Variants in INHBC observed in about 807,000 individuals in gnomAD.
INHBC encodes inhibin beta C chain.
Under a neutral mutation model 12.4 loss-of-function variants are expected in INHBC, and 10 were observed. That is an observed-to-expected ratio of 0.81 (90% CI 0.50 to 1.37). The LOEUF (loss-of-function observed/expected upper bound fraction) is 1.37. Among genes scored for constraint, INHBC ranks in the 40% most tolerant of loss-of-function variants. INHBC has a pLI of 0.00. For missense variants in INHBC, 382 were observed against 439.4 expected (o/e 0.87, Z 1.17); for synonymous variants, 147 against 171.6 (o/e 0.86, Z 1.12).
At chr12:57,448,613 T>C (rs1483477409) in intron 1 of INHBC, among the ~76,000 whole-genome samples, 2 of 149,630 alleles carry the variant, frequency 1.3e-5, no homozygotes, top group Non-Finnish European at 3.0e-5. Flanking sequence ...ACCATGAGTC[T>C]AATTAAGAGC....
chr12:57,449,862 A>G lies in INHBC; in HGVS notation c.899A>G (p.Asn300Ser), dbSNP rs764750762. 34 of 1,612,568 alleles carry G rather than the reference A, an allele frequency of 2.1e-5. No individual in the cohort carries two copies. The highest frequency in any genetic ancestry group is 3.3e-4 in the Middle Eastern group (2 of 6,070). The stretch of plus-strand genomic sequence containing the variant: ...GCCTCCTTTCACACTGCAGTGCTCA[A>G]TCTTCTCAAGGCCAACACAGCTGCA... ...IAASFHTAVL[N>S]LLKANTAAGT... Residue 300 changes from asparagine (N) to serine (S), a missense_variant, in exon 2 of 2, where the codon AAT becomes AGT. By Grantham distance (46) the Asn-to-Ser change is conservative. Coordinates refer to ENST00000309668, the MANE Select transcript of INHBC (RefSeq NM_005538.4).
chr12:57,445,717 C>CT (rs201255991), intron 1 of INHBC, among the ~76,000 whole-genome samples: 1 of 145,372 alleles, frequency 6.9e-6, no homozygotes, highest in African/African-American at 2.5e-5. Flanking sequence ...AGTGAGACCC[C>CT]CCGCCCATCT....
chr12:57,441,223 G>A (rs1368431423), intron 1 of INHBC, among the ~76,000 whole-genome samples: 3 of 152,000 alleles, frequency 2.0e-5, no homozygotes, highest in Non-Finnish European at 4.4e-5. Flanking sequence ...GTGTGGTGGT[G>A]CATGTCTGTA....
chr12:57,434,890 A>C lies in INHBC; in HGVS notation c.4A>C (p.Thr2Pro), dbSNP rs755773301. 9.3e-6 allele frequency: 15 copies of C among 1,609,242 alleles called. No homozygotes were observed. The highest frequency in any genetic ancestry group is 1.3e-5 in the African/African-American group (1 of 74,742). The change falls in exon 1 of 2, where the codon ACC becomes CCC. Residue 2 changes from threonine (T) to proline (P), a missense_variant. Transcript: ENST00000309668. MTSSLLLAFLLL... is the reference protein window; with the variant it reads MPSSLLLAFLLL... ...TCAAGAAGGGCCTTCCCCAGCAATG[A>C]CCTCCTCATTGCTTCTGGCCTTTCT...
intron 1 of INHBC, among the ~76,000 whole-genome samples, chr12:57,436,812 G>A (rs544810427): frequency 7.2e-5 from 11 of 151,932 alleles, no homozygotes; most frequent in South Asian, 4.2e-4. Flanking sequence ...GGCTACAGGC[G>A]CCTACCACCA....
At position 57,438,948 on chromosome 12, in the gene INHBC, C is replaced by T. The variant is rs1421646236; in HGVS notation, c.313+3749C>T. Among the ~76,000 whole-genome samples, 5 of 152,116 alleles carry T rather than the reference C, an allele frequency of 3.3e-5. No homozygotes were observed. The South Asian group carries it at 8.3e-4, about 25-fold the overall frequency. The stretch of plus-strand genomic sequence containing the variant: ...GCAGGGGCCTTCAGTGATGTCCTAG[C>T]GCTGGCTTATTCAGACTTATGAAAG... On this transcript the variant is annotated intron_variant, in intron 1 of 1. Coordinates refer to ENST00000309668, the MANE Select transcript of INHBC (RefSeq NM_005538.4).
chr12:57,443,113 CTTT>C (rs34935222), intron 1 of INHBC, among the ~76,000 whole-genome samples: 3 of 72,398 alleles, frequency 4.1e-5, no homozygotes, highest in East Asian at 4.7e-4. Context: ...ATAAAGCACT[CTTT>C]TTTTTTTTTT....
chr12:57,444,094 G>T (rs1368116940), intron 1 of INHBC, among the ~76,000 whole-genome samples: 1 of 152,146 alleles, frequency 6.6e-6, no homozygotes, highest in East Asian at 1.9e-4. Context: ...ACCACACCTG[G>T]TCTCAACAAG....
At chr12:57,436,735 T>C (rs1328687373) in intron 1 of INHBC, among the ~76,000 whole-genome samples, 2 of 151,532 alleles carry the variant, frequency 1.3e-5, no homozygotes, top group East Asian at 1.9e-4. Context: ...GGCGCGATCT[T>C]GGCTCACTGC....
rs567548619 is a variant in INHBC, at chr12:57,437,087, A to G, written c.313+1888A>G. ...GCTAAGATTACAGACATGAGCCACC[A>G]TCCCCGGGCTAAAAATAGCTGGGTG... On this transcript the variant is annotated intron_variant, in intron 1 of 1. Coordinates refer to ENST00000309668, the MANE Select transcript of INHBC (RefSeq NM_005538.4). 1.9e-4 allele frequency among the ~76,000 whole-genome samples: 29 copies of G among 152,170 alleles called. No homozygotes were observed. The East Asian group carries it at 5.4e-3, about 28-fold the overall frequency.
Position 57,450,019 on chromosome 12 carries a change from T to C in INHBC, c.1056T>C (p.Ser352=). The C allele has an allele frequency of 6.6e-7, 1 of 1,515,134 alleles. No individual in the cohort carries two copies. The highest frequency in any genetic ancestry group is 1.3e-5 in the South Asian group (1 of 74,632). 93.9% of individuals were successfully genotyped at this position (1,515,134 alleles called of 1,614,324 possible). ...PDMVVEACGC[S] ...TGGTAGTAGAGGCCTGTGGGTGCAG[T>C]TAGTCTATGTGTGGTATGGGCAGCC... The change falls in exon 2 of 2, where the codon AGT becomes AGC. Residue 352 remains serine (S), a synonymous_variant. Transcript: ENST00000309668.
intron 1 of INHBC, among the ~76,000 whole-genome samples, chr12:57,441,203 A>C (rs1288660116): frequency 3.3e-5 from 5 of 152,014 alleles, no homozygotes; most frequent in Non-Finnish European, 5.9e-5. Flanking sequence ...AAATACAAAA[A>C]ATTAGCCAGG....
rs2139836651 is a variant in INHBC at position 57,449,935 on chromosome 12, C to A, written c.972C>A (p.Pro324=). The A allele has an allele frequency of 1.3e-6, 2 of 1,584,178 alleles. No individual in the cohort carries two copies. Among genetic ancestry groups the A allele is most frequent in the Middle Eastern group, 1.7e-4 (1 of 5,890 alleles). ...GCTGTGTACCCACGGCCCGGCGCCC[C>A]CTGTCTCTGCTCTATTATGACAGGG... The part of the protein sequence containing the change: ...GSCCVPTARR[P]LSLLYYDRDS... Residue 324 remains proline, a synonymous_variant, in exon 2 of 2, where the codon CCC becomes CCA. Transcript: ENST00000309668.
intron 1 of INHBC, among the ~76,000 whole-genome samples, chr12:57,441,140 G>A (rs1870454037): frequency 6.6e-6 from 1 of 151,756 alleles, no homozygotes; most frequent in African/African-American, 2.4e-5. Context: ...GATCACCTGA[G>A]GTCAGGAGTT....
chr12:57,435,107 C>T lies in INHBC; in HGVS notation c.221C>T (p.Thr74Ile). The T allele has an allele frequency of 6.2e-7, 1 of 1,614,216 alleles. No individual in the cohort carries two copies. Among genetic ancestry groups the T allele is most frequent in the Non-Finnish European group, 8.5e-7 (1 of 1,180,042 alleles). The change falls in exon 1 of 2, where the codon ACT becomes ATT. Residue 74 changes from threonine to isoleucine, a missense_variant. Transcript: ENST00000309668. The part of the protein sequence containing the change: ...NRPVSRAALR[T>I]ALQHLHGVPQ... ...CCTGTGTCCAGAGCTGCTTTGAGGA[C>T]TGCACTGCAGCACCTCCACGGGGTC...
intron 1 of INHBC, among the ~76,000 whole-genome samples, chr12:57,440,232 C>T (rs1448970212): frequency 6.6e-6 from 1 of 151,390 alleles, no homozygotes; most frequent in Non-Finnish European, 1.5e-5. Flanking sequence ...GTTTTGTTTT[C>T]TGAAAAATTA....
At chr12:57,441,972 C>T (rs1418238929) in intron 1 of INHBC, among the ~76,000 whole-genome samples, 2 of 152,182 alleles carry the variant, frequency 1.3e-5, no homozygotes, top group South Asian at 2.1e-4. Context: ...TGAGCCATTG[C>T]CCCCAGCCAC....
intron 1 of INHBC, among the ~76,000 whole-genome samples, chr12:57,446,948 A>G (rs1870591870): frequency 6.6e-6 from 1 of 152,166 alleles, no homozygotes; most frequent in Non-Finnish European, 1.5e-5. Flanking sequence ...CTTAAAGGTC[A>G]AGTAAGATGA....
At chr12:57,437,320 G>T (rs961656760) in intron 1 of INHBC, among the ~76,000 whole-genome samples, 1 of 152,076 alleles carries the variant, frequency 6.6e-6, no homozygotes, top group Non-Finnish European at 1.5e-5. Context: ...ATAGACAGGG[G>T]AATAGTTGGA....
Sources: allele counts gnomAD v4.1 joint callset (sites outside exome capture counted in the v4.1 genomes callset), GRCh38; gene constraint gnomAD v4.1.1; transcripts MANE v1.5; gene names NCBI Gene and HGNC (gene_info 2026-07-23, HGNC 2026-07-21).